The following EAF2 variants were observed in gnomAD, a reference collection of about 807,000 sequenced individuals.
EAF2 encodes ELL associated factor 2.
A neutral mutation model predicts 29.4 loss-of-function variants in EAF2; 29 were observed. The ratio of observed to expected loss-of-function variants is 0.99; its 90% CI spans 0.73 to 1.35. The LOEUF (loss-of-function observed/expected upper bound fraction) is 1.35, where lower values mean the gene tolerates loss of function less well. Among genes scored for constraint, EAF2 ranks in the 40% most tolerant of loss-of-function variants. EAF2 has a pLI of 0.00. For missense variants in EAF2, 292 were observed against 312.0 expected, an observed-to-expected ratio of 0.94 and a Z score of 0.48; for synonymous variants, 103 against 102.5, an observed-to-expected ratio of 1.00 and a Z score of -0.03.
In EAF2 at chr3:121,846,611, A is replaced by C. The variant is rs567797769; in HGVS notation, c.201+2064A>C. ...CAACAAGAGCGAAACTCTGTCTCAA[A>C]AAACAAACAAACAACAACAACAACA... On this transcript the variant is annotated intron_variant, in intron 2 of 5. Coordinates refer to ENST00000273668, the MANE Select transcript of EAF2 (RefSeq NM_018456.6). Among the ~76,000 whole-genome samples the C allele has an allele frequency of 2.0e-5, 3 of 152,312 alleles. No homozygotes were observed. In the East Asian group the frequency reaches 5.8e-4, roughly 29 times the overall value.
At chr3:121,851,966 T>C (rs1708643244) in intron 2 of EAF2, among the ~76,000 whole-genome samples, 1 of 152,286 alleles carries the variant, frequency 6.6e-6, no homozygotes, top group East Asian at 1.9e-4. Flanking sequence ...AAGTTAGGAA[T>C]GGTGTTCAAT....
chr3:121,881,635 A>G (rs1020188844), intron 5 of EAF2, among the ~76,000 whole-genome samples: 3 of 151,806 alleles, frequency 2.0e-5, no homozygotes, highest in African/African-American at 4.8e-5. Context: ...TCAGCCTCCC[A>G]AGTAGCTGGT....
intron 5 of EAF2, among the ~76,000 whole-genome samples, chr3:121,878,021 G>A (rs1709130702): frequency 6.6e-6 from 1 of 152,070 alleles, no homozygotes; most frequent in Non-Finnish European, 1.5e-5. Context: ...GGTTCATTTT[G>A]AGGTACTAGA....
intron 1 of EAF2, chr3:121,836,762 G>A (rs2107486678): frequency 1.0e-6 from 1 of 987,478 alleles, no homozygotes; most frequent in East Asian, 1.1e-4. Context: ...TTCTCAAATA[G>A]TATCTACTCT....
At chr3:121,840,189 G>GAAAAAA (rs35521886) in intron 1 of EAF2, among the ~76,000 whole-genome samples, 3 of 69,622 alleles carry the variant, frequency 4.3e-5, no homozygotes, top group African/African-American at 6.3e-5. Flanking sequence ...ATTCTCTCAG[G>GAAAAAA]AAAAAAAAAA....
chr3:121,841,376 A>G (rs4642169), intron 1 of EAF2, among the ~76,000 whole-genome samples: 96,874 of 151,076 alleles, frequency 0.64, 31,491 homozygotes, highest in African/African-American at 0.7. Flanking sequence ...GTAGTGGCGC[A>G]CGCTTGTAAT....
intron 4 of EAF2, among the ~76,000 whole-genome samples, chr3:121,866,316 G>A (rs1708925764): frequency 6.6e-6 from 1 of 152,114 alleles, no homozygotes; most frequent in African/African-American, 2.4e-5. Context: ...CACAACAGTA[G>A]GCAAGAATAT....
intron 3 of EAF2, among the ~76,000 whole-genome samples, chr3:121,855,386 G>A (rs532666977): frequency 2.8e-4 from 42 of 152,242 alleles, no homozygotes; most frequent in African/African-American, 9.1e-4. Context: ...AATTGCTCTA[G>A]GAATTAAGAA....
At chr3:121,843,225 G>A (rs966401194) in intron 1 of EAF2, among the ~76,000 whole-genome samples, 2 of 152,122 alleles carry the variant, frequency 1.3e-5, no homozygotes, top group South Asian at 2.1e-4. Flanking sequence ...TTCCATAAAT[G>A]TCAGCTATTT....
At chr3:121,857,527 T>TTTTTTTAATTAA (rs1708742198) in intron 4 of EAF2, among the ~76,000 whole-genome samples, 1 of 152,052 alleles carries the variant, frequency 6.6e-6, no homozygotes, top group African/African-American at 2.4e-5. Context: ...TAAATGAATT[T>TTTTTTTAATTAA]TTTCATTTTA....
chr3:121,838,684 A>G (rs1708350145), intron 1 of EAF2, among the ~76,000 whole-genome samples: 1 of 152,204 alleles, frequency 6.6e-6, no homozygotes, highest in Non-Finnish European at 1.5e-5. Flanking sequence ...ATAGGCATCT[A>G]TGTAGTCTTC....
chr3:121,855,003 T>C (rs7637495), intron 3 of EAF2, among the ~76,000 whole-genome samples, 180 bp downstream of exon 3: 118,739 of 152,142 alleles, frequency 0.78, 46,965 homozygotes, highest in East Asian at 0.94. Flanking sequence ...TTTACCACAT[T>C]ACCCTGTGAT....
At chr3:121,837,137 G>A (rs984366968) in intron 1 of EAF2, among the ~76,000 whole-genome samples, 11 of 152,166 alleles carry the variant, frequency 7.2e-5, no homozygotes, top group Non-Finnish European at 1.3e-4. Context: ...GTGGAAGACA[G>A]AACTATTAGA....
intron 5 of EAF2, among the ~76,000 whole-genome samples, chr3:121,876,465 A>C (rs1382972986): frequency 6.6e-6 from 1 of 151,988 alleles, no homozygotes; most frequent in African/African-American, 2.4e-5. Flanking sequence ...ACAGTAGTGA[A>C]CAAAAAAATA....
rs1456089610 is a variant in EAF2, at chr3:121,872,709, GAC to G, written c.661_662del (p.Gln221ValfsTer5). ...GNCVSGHPTM[T>X]QYRIPDIDAS... is the part of the protein sequence containing the mutation. ...ATTGTGTCTCAGGACATCCTACCATGACACAGTACAGGATTCCTGATATAGAT... is the reference window on the plus strand; with the variant it reads ...ATTGTGTCTCAGGACATCCTACCATGACAGTACAGGATTCCTGATATAGAT... On this transcript the variant is annotated frameshift_variant, in exon 5 of 6. Transcript: ENST00000273668. LOFTEE classifies it high-confidence loss of function. The G allele has an allele frequency of 6.2e-7, 1 of 1,612,876 alleles. No homozygotes were observed. Among genetic ancestry groups the G allele is most frequent in the Non-Finnish European group, 8.5e-7 (1 of 1,179,212 alleles).
chr3:121,858,915 A>G (rs928713913), intron 4 of EAF2, among the ~76,000 whole-genome samples: 10 of 152,182 alleles, frequency 6.6e-5, no homozygotes, highest in African/African-American at 2.2e-4. Flanking sequence ...AGCACCATAT[A>G]TTAAACAGGG....
At chr3:121,845,668 T>TA (rs1708518518) in intron 2 of EAF2, among the ~76,000 whole-genome samples, 1 of 151,920 alleles carries the variant, frequency 6.6e-6, no homozygotes, top group African/African-American at 2.4e-5. Context: ...TCTTTCTTTT[T>TA]AAAACCACTC....
rs1709039213 is a variant in EAF2 at position 121,872,784 on chromosome 3, T to G, written c.732T>G (p.Thr244=). 6.2e-7 allele frequency: 1 copy of G among 1,609,062 alleles called. No homozygotes were observed. Among genetic ancestry groups the G allele is most frequent in the Non-Finnish European group, 8.5e-7 (1 of 1,177,244 alleles). Residue 244 remains threonine (T), a synonymous_variant, in exon 5 of 6, where the codon ACT becomes ACG. Transcript: ENST00000273668. ...ACAACAGTGGCCTTCTGATGAATAC[T>G]TTAAGTAAGTATACATAAACACAGG... The part of the protein sequence containing the change: ...FRDNSGLLMN[T]LRNDLQLSES...
intron 5 of EAF2, among the ~76,000 whole-genome samples, chr3:121,885,026 T>C (rs1439859151): frequency 6.6e-6 from 1 of 152,212 alleles, no homozygotes; most frequent in East Asian, 1.9e-4. Flanking sequence ...GACTTGTATA[T>C]CCAACTGCCA....
Sources: allele counts gnomAD v4.1 joint callset (sites outside exome capture counted in the v4.1 genomes callset), GRCh38; gene constraint gnomAD v4.1.1; transcripts MANE v1.5; gene names NCBI Gene and HGNC (gene_info 2026-07-23, HGNC 2026-07-21).